RELN: variants seen among roughly 807,000 people sequenced by gnomAD.
RELN encodes the protein reelin.
A neutral mutation model predicts 427.6 loss-of-function variants in RELN; 108 were observed. That is an observed-to-expected ratio of 0.25 (90% CI 0.22 to 0.30). The LOEUF is 0.30. RELN is among the 10% of genes least tolerant of loss of function. RELN has a pLI of 1.00. For missense variants in RELN, 3,715 were observed against 4,302.8 expected, an observed-to-expected ratio of 0.86 and a Z score of 3.82; for synonymous variants, 1,524 against 1,513.4, an observed-to-expected ratio of 1.01 and a Z score of -0.16.
Position 103,926,099 on chromosome 7 carries a change from CTT to C in RELN, c.227-8916_227-8915del, listed in dbSNP as rs55899563. The stretch of plus-strand genomic sequence containing the variant: ...CATAAATATATGACCCCCACCCCGC[CTT>C]TTTTTTTTTTTTTTTTTTGAGATGG... On this transcript the variant is annotated intron_variant, in intron 1 of 64. Transcript: ENST00000428762. Among the ~76,000 whole-genome samples, 251 of 90,042 alleles carry C rather than the reference CTT, an allele frequency of 2.8e-3. 1 individual carries two copies. Among genetic ancestry groups the C allele is most frequent in the African/African-American group, 9.7e-3 (221 of 22,862 alleles). The allele number at this position is 90,042 out of a possible 152,430, so 59.1% of individuals were successfully genotyped here.
At chr7:103,635,672 T>C (rs182802846) in intron 18 of RELN, 86 bp from the exon 19 acceptor site, 2 of 1,126,998 alleles carry the variant, frequency 1.8e-6, no homozygotes, top group Admixed American at 3.6e-5. Flanking sequence ...TTTCAAATTA[T>C]GTTTCTACTC....
Position 103,483,870 on chromosome 7 carries a change from C to A in RELN, c.9984-20G>T. 6.2e-7 allele frequency: 1 copy of A among 1,610,500 alleles called. No homozygotes were observed. Among genetic ancestry groups the A allele is most frequent in the Non-Finnish European group, 8.5e-7 (1 of 1,177,524 alleles). ...ATTTTGCTGAAAAACACAGGGAAAT[C>A]ATCTTTATTTTTATTTATTTATTTT... On this transcript the variant is annotated intron_variant, in intron 61 of 64. Transcript: ENST00000428762.
At chr7:103,615,976 T>C (rs1445089105) in intron 20 of RELN, among the ~76,000 whole-genome samples, 1 of 152,166 alleles carries the variant, frequency 6.6e-6, no homozygotes, top group African/African-American at 2.4e-5. Flanking sequence ...AAGTAAGTGG[T>C]AGAATACTTG....
chr7:103,670,276 T>C (rs957687286), intron 11 of RELN, among the ~76,000 whole-genome samples: 5 of 152,150 alleles, frequency 3.3e-5, no homozygotes, highest in African/African-American at 9.6e-5. Context: ...TACATAAGTA[T>C]GTATATGTGT....
At position 103,899,216 on chromosome 7, in the gene RELN, C is replaced by A. The variant is rs545517090; in HGVS notation, c.337+17859G>T. 1.7e-4 allele frequency among the ~76,000 whole-genome samples: 26 copies of A among 152,182 alleles called. No homozygotes were observed. The Middle Eastern group carries it at 0.014, about 80-fold the overall frequency. On this transcript the variant is annotated intron_variant, in intron 2 of 64. Transcript: ENST00000428762. ...GCAGAAATTGATAAATTCCTGGACACAAACACCCTCCCAAGACTAAACCAG... is the reference window on the plus strand; with the variant it reads ...GCAGAAATTGATAAATTCCTGGACAAAAACACCCTCCCAAGACTAAACCAG...
At chr7:103,773,637 T>C (rs1584482134) in intron 4 of RELN, among the ~76,000 whole-genome samples, 1 of 151,882 alleles carries the variant, frequency 6.6e-6, no homozygotes, top group African/African-American at 2.4e-5. Context: ...GCCCAGCTAA[T>C]TTTTGTATTT....
intron 27 of RELN, among the ~76,000 whole-genome samples, chr7:103,592,243 G>C (rs1831433404): frequency 6.6e-6 from 1 of 152,058 alleles, no homozygotes; most frequent in African/African-American, 2.4e-5. Flanking sequence ...ACGTGTCCAT[G>C]TGTTCTCATT....
intron 20 of RELN, among the ~76,000 whole-genome samples, chr7:103,625,413 C>T (rs1320167440): frequency 1.3e-5 from 2 of 152,114 alleles, no homozygotes; most frequent in African/African-American, 2.4e-5. Flanking sequence ...CTTTTTTGAT[C>T]TCTTTAAATT....
chr7:103,951,863 G>C (rs1249517987), intron 1 of RELN, among the ~76,000 whole-genome samples: 3 of 152,184 alleles, frequency 2.0e-5, no homozygotes, highest in Non-Finnish European at 2.9e-5. Flanking sequence ...AGTAGACACA[G>C]GGTTTTGCCA....
chr7:103,596,790 G>A (rs1191515051), intron 24 of RELN, 129 bp from the exon 25 acceptor site: 2 of 801,914 alleles, frequency 2.5e-6, no homozygotes, highest in Non-Finnish European at 4.2e-6. Flanking sequence ...TTATTGTGGA[G>A]AGAGGGCAGT....
chr7:103,741,331 AT>A (rs1359593134), intron 6 of RELN, among the ~76,000 whole-genome samples: 1 of 151,918 alleles, frequency 6.6e-6, no homozygotes, highest in Non-Finnish European at 1.5e-5. Flanking sequence ...CTCCTTTATG[AT>A]GTTGCTGTAA....
In RELN at chr7:103,566,284, C is replaced by T. The variant is rs576837100; in HGVS notation, c.4876G>A (p.Gly1626Ser). ...GAGAGACAGTCAATATCAACTTGAC[C>T]TCCTTGGATTCGATACCAGTTGGCT... Reference protein sequence around the residue: ...LQANWYRIQGGQVDIDCLSMD... With the variant: ...LQANWYRIQGSQVDIDCLSMD... The change falls in exon 33 of 65, where the codon GGT becomes AGT. Residue 1626 changes from glycine (G) to serine (S), a missense_variant. Around this residue, in one of 4 missense-constraint regions of RELN, gnomAD observed 2,208 missense variants for 2,361.7 expected, o/e 0.93. Transcript: ENST00000428762. 1.9e-6 allele frequency: 3 copies of T among 1,613,958 alleles called. No homozygotes were observed. The highest frequency in any genetic ancestry group is 2.2e-5 in the East Asian group (1 of 44,856).
chr7:103,480,388 C>A (rs11489603), intron 63 of RELN, among the ~76,000 whole-genome samples: 2,292 of 152,170 alleles, frequency 0.015, 70 homozygotes, highest in African/African-American at 0.053. Flanking sequence ...CTTTATTTTG[C>A]GCTCATCAAA....
chr7:103,511,712 A>G (rs1185178379), intron 50 of RELN, among the ~76,000 whole-genome samples: 1 of 151,060 alleles, frequency 6.6e-6, no homozygotes, highest in African/African-American at 2.4e-5. Context: ...AAAAAAAATT[A>G]GCTGGAGTGG....
intron 9 of RELN, among the ~76,000 whole-genome samples, chr7:103,698,586 T>C (rs1834027408): frequency 1.3e-5 from 2 of 152,150 alleles, no homozygotes; most frequent in Admixed American, 1.3e-4. Context: ...CTATCACAGA[T>C]CACCGTAACC....
At chr7:103,848,708 T>C (rs187946592) in intron 2 of RELN, among the ~76,000 whole-genome samples, 1 of 152,296 alleles carries the variant, frequency 6.6e-6, no homozygotes, top group East Asian at 1.9e-4. Context: ...GGGAAGACTA[T>C]ACTCACAATG....
At chr7:103,896,680 C>T (rs193197985) in intron 2 of RELN, among the ~76,000 whole-genome samples, 44 of 151,968 alleles carry the variant, frequency 2.9e-4, no homozygotes, top group East Asian at 2.1e-3. Context: ...GTTACACAGG[C>T]GTGTACATTT....
chr7:103,786,135 A>T (rs1792008227), intron 3 of RELN, among the ~76,000 whole-genome samples: 1 of 152,032 alleles, frequency 6.6e-6, no homozygotes, highest in Admixed American at 6.6e-5. Flanking sequence ...ATACAATATT[A>T]AAAAACTTTT....
intron 49 of RELN, among the ~76,000 whole-genome samples, chr7:103,515,728 T>C (rs987126491): frequency 2.6e-5 from 4 of 152,216 alleles, no homozygotes; most frequent in African/African-American, 9.6e-5. Flanking sequence ...GTTTTTTGCA[T>C]ACCTGGTGGG....
Sources: gnomAD v4.1 joint callset for allele counts (sites outside exome capture counted in the v4.1 genomes callset) on GRCh38, gnomAD v4.1.1 for gene constraint, gnomAD v4.1.1 regional missense constraint, MANE v1.5 for transcripts, NCBI Gene and HGNC (gene_info 2026-07-23, HGNC 2026-07-21) for gene names.